Variants in ERMP1 observed in about 807,000 individuals in gnomAD.
The protein encoded by ERMP1 is Felix-ina.
ERMP1 carries 86 observed loss-of-function variants against 92.0 expected under a neutral mutation model. The observed-to-expected ratio is 0.93, with a 90% CI of 0.79 to 1.12. The LOEUF (loss-of-function observed/expected upper bound fraction) is 1.12, where lower values mean the gene tolerates loss of function less well. Among genes scored for constraint, ERMP1 ranks in the 50% most tolerant of loss-of-function variants. The pLI is 0.00. For synonymous variants in ERMP1, 530 were observed against 412.8 expected (o/e 1.28, Z -3.44); for missense variants, 1,342 against 1,116.3 (o/e 1.20, Z -2.88).
At chr9:5,811,528 A>G (rs1290991881) in intron 6 of ERMP1, among the ~76,000 whole-genome samples, 1 of 152,142 alleles carries the variant, frequency 6.6e-6, no homozygotes, top group African/African-American at 2.4e-5. Context: ...AAATTTCTCA[A>G]ATAAGGTCCA....
In ERMP1 at chr9:5,838,778, C is replaced by T. The variant is rs147051684; in HGVS notation, n.3200-5466G>A. On this transcript the variant is annotated intron_variant and non_coding_transcript_variant, in intron 6 of 6. Coordinates refer to the ERMP1 transcript ENST00000690753. ...TCTGTTTAATAACGTGAGGGAAATGCTCACATTATAAATATTAAGAGAAAC... is the reference window on the plus strand; with the variant it reads ...TCTGTTTAATAACGTGAGGGAAATGTTCACATTATAAATATTAAGAGAAAC... Among the ~76,000 whole-genome samples, 27 of 151,360 alleles carry T rather than the reference C, an allele frequency of 1.8e-4. 1 individual carries two copies. The East Asian group carries it at 5.2e-3, about 29-fold the overall frequency.
rs184794841 is a variant in ERMP1, at chr9:5,809,545, A to C, written c.1548+466T>G. On this transcript the variant is annotated intron_variant, in intron 8 of 14. Transcript: ENST00000339450. ...TGAGGGAAAAACTGAAAAAACTTTA[A>C]GTACAACATTCTTTTAGGCAACAAA... Among the ~76,000 whole-genome samples the C allele has an allele frequency of 5.3e-5, 8 of 152,356 alleles. No individual in the cohort carries two copies. In the East Asian group the frequency reaches 1.5e-3, roughly 29 times the overall value.
Position 5,785,021 on chromosome 9 carries a change from G to C in ERMP1, c.*2123C>G, listed in dbSNP as rs1355343281. 3 of 152,040 alleles carry C rather than the reference G, an allele frequency of 2.0e-5. No individual in the cohort carries two copies. The highest frequency in any genetic ancestry group is 2.1e-4 in the South Asian group (1 of 4,820). The allele number at this position is 152,040 out of a possible 1,614,324, so 9.4% of individuals were successfully genotyped here. On this transcript the variant is annotated 3_prime_UTR_variant, in exon 15 of 15. Coordinates refer to ENST00000339450, the MANE Select transcript of ERMP1 (RefSeq NM_024896.3). Reference sequence around the variant, plus strand: ...ACAGACAAACGGTATGCTTAACAGAGTCATAAATACTGTGTATAATTGCTT... The same window carrying C: ...ACAGACAAACGGTATGCTTAACAGACTCATAAATACTGTGTATAATTGCTT...
intron 6 of ERMP1, among the ~76,000 whole-genome samples, chr9:5,857,053 C>T (rs1379454281): frequency 6.6e-6 from 1 of 152,054 alleles, no homozygotes; most frequent in African/African-American, 2.4e-5. Flanking sequence ...CAGGGTCTTA[C>T]TCTGTCACCC....
intron 13 of ERMP1, among the ~76,000 whole-genome samples, chr9:5,795,923 C>G (rs566391730): frequency 6.6e-6 from 1 of 152,312 alleles, no homozygotes; most frequent in Non-Finnish European, 1.5e-5. Context: ...AACTCAGTTG[C>G]TTTCCTGTAG....
chr9:5,837,011 C>G (rs1031857116), upstream of ERMP1, among the ~76,000 whole-genome samples: 13 of 152,144 alleles, frequency 8.5e-5, no homozygotes, highest in Non-Finnish European at 1.5e-4. Context: ...AGAGAACAAG[C>G]CTGGCTGCAT....
At chr9:5,854,207 C>G in intron 6 of ERMP1, among the ~76,000 whole-genome samples, 1 of 151,898 alleles carries the variant, frequency 6.6e-6, no homozygotes, top group Non-Finnish European at 1.5e-5. Flanking sequence ...ATATCTGTAT[C>G]TAGGTGCTAG....
Position 5,813,042 on chromosome 9 carries a change from T to G in ERMP1, c.875-7A>C, listed in dbSNP as rs771517196. The G allele has an allele frequency of 1.2e-5, 19 of 1,613,480 alleles. No individual in the cohort carries two copies. In the East Asian group the frequency reaches 4.2e-4, roughly 36 times the overall value. On this transcript the variant is annotated splice_polypyrimidine_tract_variant and splice_region_variant and intron_variant, in intron 4 of 14. Transcript: ENST00000339450. ...AACCAAGGATTTTCAGGACCTAAAA[T>G]GAAAGATGACAACACAATAGAAGGT... is the stretch of plus-strand genomic sequence containing the variant.
rs1235619669 is a variant in ERMP1 at position 5,831,398 on chromosome 9, G to A, written c.339-370C>T. Among the ~76,000 whole-genome samples the A allele has an allele frequency of 4.6e-5, 7 of 152,220 alleles. No individual in the cohort carries two copies. In the East Asian group the frequency reaches 1.4e-3, roughly 29 times the overall value. ...AGGTGGGTGGATTGCTTGAGCTCAG[G>A]AGTTTGAGACCAGCCTGGGCAACAT... On this transcript the variant is annotated intron_variant, in intron 1 of 14. Transcript: ENST00000339450.
At chr9:5,788,754 A>C (rs1378910930) in intron 13 of ERMP1, among the ~76,000 whole-genome samples, 2 of 152,228 alleles carry the variant, frequency 1.3e-5, no homozygotes, top group Non-Finnish European at 2.9e-5. Flanking sequence ...TCACACTCCA[A>C]CTACAAATAT....
At chr9:5,815,373 G>C (rs1205341295) in intron 4 of ERMP1, among the ~76,000 whole-genome samples, 1 of 151,822 alleles carries the variant, frequency 6.6e-6, no homozygotes, top group Non-Finnish European at 1.5e-5. Flanking sequence ...ATGTCAAAGG[G>C]GCTCAGGCAC....
At chr9:5,791,900 C>T (rs982651673) in intron 13 of ERMP1, among the ~76,000 whole-genome samples, 1 of 152,118 alleles carries the variant, frequency 6.6e-6, no homozygotes, top group East Asian at 1.9e-4. Context: ...ACTACATAAT[C>T]GTGATACAAG....
chr9:5,830,880 G>C lies in ERMP1; in HGVS notation c.487C>G (p.Arg163Gly). 1.2e-6 allele frequency: 2 copies of C among 1,614,142 alleles called. No homozygotes were observed. Among genetic ancestry groups the C allele is most frequent in the Non-Finnish European group, 8.5e-7 (1 of 1,180,016 alleles). Residue 163 changes from arginine (R) to glycine (G), a missense_variant, in exon 2 of 15, where the codon CGG (arginine) becomes GGG (glycine). Coordinates refer to ENST00000339450, the MANE Select transcript of ERMP1 (RefSeq NM_024896.3). ...SLHKISVDVQ[R>G]PTGSFSIDFL... The stretch of plus-strand genomic sequence containing the variant: ...TCAATGCTAAAAGAGCCTGTGGGCC[G>C]TTGTACATCTACTGAAATCTTATGA...
At position 5,823,956 on chromosome 9, in the gene ERMP1, G is replaced by C. The variant is rs199525036; in HGVS notation, c.814C>G (p.Arg272Gly). 36 of 1,613,984 alleles carry C rather than the reference G, an allele frequency of 2.2e-5. No individual in the cohort carries two copies. The highest frequency in any genetic ancestry group is 1.6e-4 in the Middle Eastern group (1 of 6,084). Residue 272 changes from arginine (R) to glycine (G), a missense_variant, in exon 4 of 15, where the codon CGT becomes GGT. By Grantham distance (125) the Arg-to-Gly change is moderately radical. Coordinates refer to ENST00000339450, the MANE Select transcript of ERMP1 (RefSeq NM_024896.3). ...ITQHPWASLI[R>G]AFINLEAAGV... ...GCTGCCTCTAGGTTAATGAATGCACGAATCAAGCTAGCCCAGGGGTGCTGA... is the reference window on the plus strand; with the variant it reads ...GCTGCCTCTAGGTTAATGAATGCACCAATCAAGCTAGCCCAGGGGTGCTGA...
intron 6 of ERMP1, among the ~76,000 whole-genome samples, chr9:5,844,733 G>A (rs1003490153): frequency 6.6e-5 from 10 of 152,090 alleles, no homozygotes; most frequent in African/African-American, 2.2e-4. Flanking sequence ...TCCCCTTTTT[G>A]TTTATATATG....
intron 4 of ERMP1, among the ~76,000 whole-genome samples, chr9:5,822,537 T>A (rs1174152217): frequency 1.3e-5 from 2 of 152,200 alleles, no homozygotes; most frequent in African/African-American, 2.4e-5. Flanking sequence ...AAGACATACT[T>A]AGCATAGTTT....
At chr9:5,813,388 A>ATATAC (rs1829182068) in intron 4 of ERMP1, among the ~76,000 whole-genome samples, 1 of 152,198 alleles carries the variant, frequency 6.6e-6, no homozygotes, top group South Asian at 2.1e-4. Context: ...CTCAAGATAT[A>ATATAC]TATACTTTGT....
At chr9:5,836,539 C>T (rs895796974), upstream of ERMP1, among the ~76,000 whole-genome samples, 2 of 152,158 alleles carry the variant, frequency 1.3e-5, no homozygotes, top group Non-Finnish European at 2.9e-5. Flanking sequence ...GGTGCTGTTG[C>T]GGATAGCTTG....
At chr9:5,817,133 C>T (rs1351053426) in intron 4 of ERMP1, among the ~76,000 whole-genome samples, 1 of 151,938 alleles carries the variant, frequency 6.6e-6, no homozygotes, top group Non-Finnish European at 1.5e-5. Context: ...CTCCTGACCT[C>T]GTGATCCGCC....
Sources: allele counts gnomAD v4.1 joint callset (sites outside exome capture counted in the v4.1 genomes callset), GRCh38; gene constraint gnomAD v4.1.1; transcripts MANE v1.5; gene names NCBI Gene and HGNC (gene_info 2026-07-23, HGNC 2026-07-21).